SPSB1: variants seen among roughly 807,000 people sequenced by gnomAD.
SPSB1 encodes splA/ryanodine receptor domain and SOCS box containing 1.
Under a neutral mutation model 21.2 loss-of-function variants are expected in SPSB1, and 8 were observed. The ratio of observed to expected loss-of-function variants is 0.38; its 90% CI spans 0.22 to 0.68. SPSB1 has a LOEUF of 0.68. Among genes scored for constraint, SPSB1 ranks in the 30% least tolerant of loss-of-function variants. SPSB1 has a pLI of 0.53. For synonymous variants in SPSB1, 169 were observed against 161.7 expected (o/e 1.05, Z -0.34); for missense variants, 242 against 377.8 (o/e 0.64, Z 2.98).
rs1640468791 is a variant in SPSB1 at position 9,361,159 on chromosome 1, T to TTTTTTTTTTTCTTTTTTTC, written c.694+4584_694+4585insCTTTTTTTCTTTTTTTTTT. On this transcript the variant is annotated intron_variant, in intron 2 of 2. Transcript: ENST00000328089. ...GCATGGCTGGATCTGTCATTTTCTT[T>TTTTTTTTTTTCTTTTTTTC]TTTTTTTTTTTTTTTTTTTTTTTTA... Among the ~76,000 whole-genome samples the TTTTTTTTTTTCTTTTTTTC allele has an allele frequency of 5.1e-4, 17 of 33,232 alleles. 2 individuals carry two copies. In the South Asian group the frequency reaches 0.016, roughly 31 times the overall value. The allele number at this position is 33,232 out of a possible 152,430, so 21.8% of individuals were successfully genotyped here.
At chr1:9,297,244 C>T (rs1639240938) in intron 1 of SPSB1, among the ~76,000 whole-genome samples, 1 of 152,192 alleles carries the variant, frequency 6.6e-6, no homozygotes. Flanking sequence ...CCTTGGGCGT[C>T]TCTTGGAAAA....
At chr1:9,322,729 CA>C (rs1436090244) in intron 1 of SPSB1, among the ~76,000 whole-genome samples, 1 of 152,166 alleles carries the variant, frequency 6.6e-6, no homozygotes, top group African/African-American at 2.4e-5. Context: ...AGCCAGCACA[CA>C]AGGTGGCAGG....
At chr1:9,350,109 C>T (rs1640232925) in intron 1 of SPSB1, among the ~76,000 whole-genome samples, 1 of 152,122 alleles carries the variant, frequency 6.6e-6, no homozygotes, top group South Asian at 2.1e-4. Context: ...TCTACACACA[C>T]ACACACACCC....
chr1:9,361,158 T>TTTTTTTTTTTCTTTTTTTTC lies in SPSB1; in HGVS notation c.694+4583_694+4584insCTTTTTTTTCTTTTTTTTTT, dbSNP rs1557467287. Among the ~76,000 whole-genome samples the TTTTTTTTTTTCTTTTTTTTC allele has an allele frequency of 1.2e-3, 32 of 25,724 alleles. 1 individual carries two copies. Among genetic ancestry groups the TTTTTTTTTTTCTTTTTTTTC allele is most frequent in the African/African-American group, 3.5e-3 (30 of 8,570 alleles). The allele number at this position is 25,724 out of a possible 152,430, so 16.9% of individuals were successfully genotyped here. A position where few individuals can be genotyped will look rare whatever the true frequency, so the allele number is the denominator to read the frequency against. On this transcript the variant is annotated intron_variant, in intron 2 of 2. Coordinates refer to ENST00000328089, the MANE Select transcript of SPSB1 (RefSeq NM_025106.4). ...GGCATGGCTGGATCTGTCATTTTCT[T>TTTTTTTTTTTCTTTTTTTTC]TTTTTTTTTTTTTTTTTTTTTTTTT...
intron 1 of SPSB1, among the ~76,000 whole-genome samples, chr1:9,320,114 G>A (rs1204249200): frequency 2.0e-5 from 3 of 152,168 alleles, no homozygotes; most frequent in Admixed American, 6.5e-5. Context: ...GTGTCCAGGC[G>A]TCTGCTTCTC....
chr1:9,305,320 C>A lies in SPSB1; in HGVS notation c.-150+12249C>A, dbSNP rs146035293. On this transcript the variant is annotated intron_variant, in intron 1 of 2. Transcript: ENST00000328089. The surrounding 1 kb of genome is among the most constrained non-coding windows in gnomAD (Gnocchi z 4.8). Reference sequence around the variant, plus strand: ...GGGATGTCCCCTTCAGCAGGTAGCCCTGCCATCCACGGTCCACCCTGTCAC... The same window carrying A: ...GGGATGTCCCCTTCAGCAGGTAGCCATGCCATCCACGGTCCACCCTGTCAC... 3.8e-3 allele frequency among the ~76,000 whole-genome samples: 583 copies of A among 152,344 alleles called. 6 individuals are homozygous for A. The highest frequency in any genetic ancestry group is 0.013 in the African/African-American group (558 of 41,582).
At chr1:9,329,465 G>T (rs1201330391) in intron 1 of SPSB1, among the ~76,000 whole-genome samples, 1 of 152,072 alleles carries the variant, frequency 6.6e-6, no homozygotes, top group Non-Finnish European at 1.5e-5. Flanking sequence ...CCTTTGGGAA[G>T]ATGGGCATGG....
At chr1:9,338,766 G>A (rs1201091557) in intron 1 of SPSB1, among the ~76,000 whole-genome samples, 5 of 152,192 alleles carry the variant, frequency 3.3e-5, no homozygotes, top group African/African-American at 9.7e-5. Flanking sequence ...GCTGTGAAAC[G>A]TGGGTGGCGT....
In SPSB1 at chr1:9,361,080, C is replaced by T. The variant is rs186290644; in HGVS notation, c.694+4495C>T. On this transcript the variant is annotated intron_variant, in intron 2 of 2. Coordinates refer to ENST00000328089, the MANE Select transcript of SPSB1 (RefSeq NM_025106.4). ...AAGAAGGGGGGTGTCCTGGTGAGATCGAATCCCAGGGTCTGCCCGGGAGCA... is the reference window on the plus strand; with the variant it reads ...AAGAAGGGGGGTGTCCTGGTGAGATTGAATCCCAGGGTCTGCCCGGGAGCA... Among the ~76,000 whole-genome samples the T allele has an allele frequency of 3.7e-3, 558 of 150,372 alleles. 5 individuals carry two copies. Among genetic ancestry groups the T allele is most frequent in the Middle Eastern group, 0.028 (8 of 288 alleles).
At chr1:9,319,644 C>G (rs1295010670) in intron 1 of SPSB1, among the ~76,000 whole-genome samples, 1 of 152,194 alleles carries the variant, frequency 6.6e-6, no homozygotes, top group African/African-American at 2.4e-5. Context: ...GTATTCCGTT[C>G]CGGCTGGTGC....
chr1:9,313,195 G>A (rs1639551520), intron 1 of SPSB1, among the ~76,000 whole-genome samples: 1 of 152,128 alleles, frequency 6.6e-6, no homozygotes, highest in South Asian at 2.1e-4. Context: ...TTTGGAGTTC[G>A]AGACCAGCCT....
chr1:9,326,996 AC>A (rs1162636076), intron 1 of SPSB1, among the ~76,000 whole-genome samples: 1 of 151,880 alleles, frequency 6.6e-6, no homozygotes, highest in African/African-American at 2.4e-5. Flanking sequence ...GATCCCGAGA[AC>A]CCCAGCCTCC....
In SPSB1 at chr1:9,293,176, G is replaced by A. The variant is rs1305569219; in HGVS notation, c.-150+105G>A. The A allele has an allele frequency of 3.1e-6, 3 of 966,578 alleles. No homozygotes were observed. Among genetic ancestry groups the A allele is most frequent in the East Asian group, 2.3e-4 (2 of 8,610 alleles). 59.9% of individuals were successfully genotyped at this position (966,578 alleles called of 1,614,324 possible). ...GCGGACGCGGGGATCGCGCCGCTGG[G>A]GGACCGAGTGGGTGGCGCGGGGCCG... On this transcript the variant is annotated intron_variant, in intron 1 of 2. Transcript: ENST00000328089. This position sits in a 1 kb window ranked among gnomAD's most constrained non-coding sequence, Gnocchi z 5.1.
intron 1 of SPSB1, among the ~76,000 whole-genome samples, chr1:9,328,688 G>A (rs1639865453): frequency 6.6e-6 from 1 of 152,236 alleles, no homozygotes; most frequent in Non-Finnish European, 1.5e-5. Flanking sequence ...GGTCACAGGT[G>A]TTGGGTCCTA....
chr1:9,367,412 A>G lies in SPSB1; in HGVS notation c.695-36A>G. The G allele has an allele frequency of 6.2e-7, 1 of 1,612,704 alleles. No homozygotes were observed. Among genetic ancestry groups the G allele is most frequent in the Non-Finnish European group, 8.5e-7 (1 of 1,179,926 alleles). On this transcript the variant is annotated intron_variant, in intron 2 of 2. Transcript: ENST00000328089. The surrounding 1 kb of genome is among the most constrained non-coding windows in gnomAD (Gnocchi z 5.9). ...AGCGCTGTTTGCTGAACACCCACCC[A>G]AGCTGCGCTGACCTGCAGTTTCTCT...
At chr1:9,336,319 C>T (rs539715684) in intron 1 of SPSB1, among the ~76,000 whole-genome samples, 4 of 151,182 alleles carry the variant, frequency 2.6e-5, no homozygotes, top group Admixed American at 6.6e-5. Context: ...CCTCTGCCTC[C>T]GAGTTCAAGT....
At position 9,368,584 on chromosome 1, in the gene SPSB1, G is replaced by C. The variant is rs1640615153; in HGVS notation, c.*1009G>C. ...AGTCTTCTGTGGGTCTTTTGATGTG[G>C]GTTTGATTTTGCTTTTGCTTTTCTA... On this transcript the variant is annotated 3_prime_UTR_variant, in exon 3 of 3. Coordinates refer to ENST00000328089, the MANE Select transcript of SPSB1 (RefSeq NM_025106.4). 6.6e-6 allele frequency: 1 copy of C among 152,142 alleles called. No individual in the cohort carries two copies. Among genetic ancestry groups the C allele is most frequent in the African/African-American group, 2.4e-5 (1 of 41,410 alleles). The allele number at this position is 152,142 out of a possible 1,614,324, so 9.4% of individuals were successfully genotyped here. A position where few individuals can be genotyped will look rare whatever the true frequency, so the allele number is the denominator to read the frequency against.
At chr1:9,325,659 C>A (rs1463292419) in intron 1 of SPSB1, among the ~76,000 whole-genome samples, 1 of 152,168 alleles carries the variant, frequency 6.6e-6, no homozygotes, top group African/African-American at 2.4e-5. Context: ...TGAGTTCCAG[C>A]CCCTGTGTTC....
At chr1:9,319,100 C>T (rs28754287) in intron 1 of SPSB1, among the ~76,000 whole-genome samples, 15,632 of 152,012 alleles carry the variant, frequency 0.1, 2,402 homozygotes, top group African/African-American at 0.34. Context: ...ATTGCTTGAA[C>T]CTGGGAGGAG....
Sources: allele counts gnomAD v4.1 joint callset (sites outside exome capture counted in the v4.1 genomes callset), GRCh38; gene constraint gnomAD v4.1.1; non-coding constraint Gnocchi (gnomAD v3.1); transcripts MANE v1.5; gene names NCBI Gene and HGNC (gene_info 2026-07-23, HGNC 2026-07-21).